Variants in MAST2 observed in about 807,000 individuals in gnomAD.
MAST2 encodes the protein microtubule associated serine/threonine kinase 2.
Under a neutral mutation model 147.4 loss-of-function variants are expected in MAST2, and 70 were observed. The observed-to-expected ratio is 0.47, with a 90% CI of 0.39 to 0.58. The LOEUF is 0.58. Ranked by LOEUF, MAST2 falls within the 20% of genes least tolerant of loss-of-function variation. The probability of loss-of-function intolerance (pLI) is 0.00; values close to 1 mark genes in which losing one functional copy is unlikely to be tolerated. For missense variants in MAST2, 2,080 were observed against 2,302.3 expected, an observed-to-expected ratio of 0.90 and a Z score of 1.98; for synonymous variants, 869 against 896.8, an observed-to-expected ratio of 0.97 and a Z score of 0.55.
intron 4 of MAST2, among the ~76,000 whole-genome samples, chr1:45,889,832 A>G (rs1647418555): frequency 6.6e-6 from 1 of 151,408 alleles, no homozygotes; most frequent in African/African-American, 2.4e-5. Context: ...GCTGGTCTCG[A>G]ACTCCCAACC....
At chr1:45,931,335 A>G (rs1479957519) in intron 4 of MAST2, among the ~76,000 whole-genome samples, 1 of 149,946 alleles carries the variant, frequency 6.7e-6, no homozygotes, top group Non-Finnish European at 1.5e-5. Context: ...TCAGGTTATG[A>G]ACCTTTGGCA....
intron 4 of MAST2, among the ~76,000 whole-genome samples, chr1:45,921,185 G>C (rs1219531638): frequency 6.6e-6 from 1 of 152,086 alleles, no homozygotes; most frequent in Non-Finnish European, 1.5e-5. Context: ...TAGTAGAGAC[G>C]GGGTTTCACC....
At chr1:46,006,682 T>A in intron 8 of MAST2, 1 of 220,486 alleles carries the variant, frequency 4.5e-6, no homozygotes. Flanking sequence ...CCAGCTTGAG[T>A]GAGTCAAGTT....
chr1:45,995,209 T>C (rs1645010748), intron 5 of MAST2, among the ~76,000 whole-genome samples: 1 of 152,206 alleles, frequency 6.6e-6, no homozygotes, highest in South Asian at 2.1e-4. Flanking sequence ...AAATCTGCTA[T>C]AATCCTTGTC....
intron 5 of MAST2, among the ~76,000 whole-genome samples, chr1:45,976,602 A>G (rs1220395828): frequency 1.3e-5 from 2 of 152,216 alleles, no homozygotes; most frequent in Non-Finnish European, 2.9e-5. Context: ...TTAACTTTTT[A>G]TTCAATTTGC....
At chr1:46,006,430 G>T in intron 8 of MAST2, 35 bp downstream of exon 8, 2 of 1,590,810 alleles carry the variant, frequency 1.3e-6, no homozygotes. Flanking sequence ...TCCAGTGCAT[G>T]TGGATTTCAG....
intron 4 of MAST2, among the ~76,000 whole-genome samples, chr1:45,945,061 A>T (rs1657837394): frequency 6.6e-6 from 1 of 152,160 alleles, no homozygotes; most frequent in South Asian, 2.1e-4. Context: ...GCATTTAGGG[A>T]GACTGAGGCA....
intron 4 of MAST2, among the ~76,000 whole-genome samples, chr1:45,888,081 T>C (rs1030073901): frequency 3.9e-5 from 6 of 152,354 alleles, no homozygotes; most frequent in East Asian, 1.9e-4. Context: ...TGAGAATAGT[T>C]GTCATGCTCA....
chr1:45,849,894 T>C (rs934487776), intron 3 of MAST2, among the ~76,000 whole-genome samples: 1 of 152,210 alleles, frequency 6.6e-6, no homozygotes. Context: ...CTATTGTGAA[T>C]AGTGCTGTGA....
intron 4 of MAST2, among the ~76,000 whole-genome samples, chr1:45,885,422 G>A (rs931394373): frequency 2.6e-5 from 4 of 152,140 alleles, no homozygotes; most frequent in African/African-American, 9.7e-5. Flanking sequence ...TGCTTTTCAC[G>A]TAATATGTTA....
At chr1:45,947,306 TAAAA>T (rs55827908) in intron 4 of MAST2, among the ~76,000 whole-genome samples, 9,606 of 112,538 alleles carry the variant, frequency 0.085, 474 homozygotes, top group Middle Eastern at 0.19. Context: ...TGATGAGCTT[TAAAA>T]AAAAAAAAAA....
intron 5 of MAST2, among the ~76,000 whole-genome samples, chr1:45,993,822 C>G (rs1207002880): frequency 6.6e-6 from 1 of 152,150 alleles, no homozygotes; most frequent in Non-Finnish European, 1.5e-5. Flanking sequence ...GTTCCCAGGT[C>G]ACCCATACTT....
intron 5 of MAST2, among the ~76,000 whole-genome samples, chr1:45,965,678 G>C (rs1224391715): frequency 6.6e-6 from 1 of 151,790 alleles, no homozygotes; most frequent in Non-Finnish European, 1.5e-5. Context: ...CAGTTCAGTA[G>C]GTACATACCC....
intron 4 of MAST2, among the ~76,000 whole-genome samples, chr1:45,902,497 C>A (rs182928904): frequency 6.6e-6 from 1 of 151,804 alleles, no homozygotes; most frequent in South Asian, 2.1e-4. Flanking sequence ...TTTAGTAGAA[C>A]GAGCTAGGGA....
At chr1:45,878,036 G>A (rs974104614) in intron 3 of MAST2, among the ~76,000 whole-genome samples, 2 of 151,490 alleles carry the variant, frequency 1.3e-5, no homozygotes, top group African/African-American at 2.4e-5. Flanking sequence ...AAACCCCGTC[G>A]CTACTAAAAA....
At chr1:45,861,488 A>C (rs779700562) in intron 3 of MAST2, among the ~76,000 whole-genome samples, 9 of 151,906 alleles carry the variant, frequency 5.9e-5, no homozygotes, top group Non-Finnish European at 1.2e-4. Context: ...CATGGAGAAA[A>C]TAGCTATAAT....
chr1:45,910,936 A>G (rs1440358266), intron 4 of MAST2, among the ~76,000 whole-genome samples: 2 of 152,228 alleles, frequency 1.3e-5, no homozygotes, highest in African/African-American at 4.8e-5. Context: ...TACAATTTGC[A>G]AGAATGGATT....
At chr1:45,911,480 T>G (rs1651643259) in intron 4 of MAST2, among the ~76,000 whole-genome samples, 1 of 152,322 alleles carries the variant, frequency 6.6e-6, no homozygotes, top group Non-Finnish European at 1.5e-5. Context: ...ATCCATTTGC[T>G]GCTGTTGTCA....
At position 46,034,999 on chromosome 1, in the gene MAST2, AG is replaced by A. The variant is rs1470957360; in HGVS notation, c.4333del (p.Glu1445LysfsTer2). The A allele has an allele frequency of 1.2e-6, 2 of 1,614,064 alleles. No homozygotes were observed. On this transcript the variant is annotated frameshift_variant, in exon 29 of 29. Coordinates refer to ENST00000361297, the MANE Select transcript of MAST2 (RefSeq NM_015112.3). LOFTEE classifies it low-confidence loss of function (END_TRUNC). ...HSELKKELPP[R>X]EVSPLEVVGA... ...TGAACTAAAGAAGGAACTGCCGCCC[AG>A]GGAAGTGAGCCCTCTGGAGGTAGTT...
Sources: allele counts gnomAD v4.1 joint callset (sites outside exome capture counted in the v4.1 genomes callset), GRCh38; gene constraint gnomAD v4.1.1; transcripts MANE v1.5; gene names NCBI Gene and HGNC (gene_info 2026-07-23, HGNC 2026-07-21).